EYS: variants seen among roughly 807,000 people sequenced by gnomAD.
EYS encodes the protein EGF-like photoreceptor maintenance factor, also known as protein eyes shut homolog.
In EYS, 250 loss-of-function variants were observed where a neutral mutation model predicts 282.1. That is an observed-to-expected ratio of 0.89 (90% CI 0.80 to 0.98). EYS has a LOEUF of 0.98. EYS is among the 50% of genes least tolerant of loss of function. The pLI is 0.00. For missense variants in EYS, 4,016 were observed against 3,709.0 expected (o/e 1.08, Z -2.15); for synonymous variants, 1,355 against 1,282.9 (o/e 1.06, Z -1.20).
chr6:65,020,266 T>C (rs1214365256), intron 13 of EYS, among the ~76,000 whole-genome samples: 2 of 152,188 alleles, frequency 1.3e-5, no homozygotes, highest in African/African-American at 4.8e-5. Flanking sequence ...CTTCTACCTA[T>C]GAGCCTGTAA....
At chr6:63,862,220 A>C (rs1175037479) in intron 36 of EYS, among the ~76,000 whole-genome samples, 4 of 152,056 alleles carry the variant, frequency 2.6e-5, no homozygotes, top group South Asian at 2.1e-4. Context: ...TTCTTCTCAG[A>C]AATTTTGTAT....
chr6:64,283,350 A>G (rs1170149801), intron 30 of EYS, among the ~76,000 whole-genome samples: 1 of 152,196 alleles, frequency 6.6e-6, no homozygotes, highest in Non-Finnish European at 1.5e-5. Context: ...TCTAGAAGTT[A>G]GACTATATAA....
At chr6:64,540,247 G>C (rs1764659701) in intron 26 of EYS, among the ~76,000 whole-genome samples, 1 of 152,004 alleles carries the variant, frequency 6.6e-6, no homozygotes. Context: ...TTTTTGGCTT[G>C]ACTCTGCTCA....
At chr6:64,294,954 GTC>G (rs1768860586) in intron 30 of EYS, among the ~76,000 whole-genome samples, 1 of 152,122 alleles carries the variant, frequency 6.6e-6, no homozygotes, top group African/African-American at 2.4e-5. Flanking sequence ...AGAAGCATGA[GTC>G]ATTTTTGATG....
At chr6:64,599,728 A>C (rs905659991) in intron 24 of EYS, among the ~76,000 whole-genome samples, 1 of 152,184 alleles carries the variant, frequency 6.6e-6, no homozygotes, top group Admixed American at 6.5e-5. Context: ...AGAGCTAGAA[A>C]ATGGCAGAGC....
intron 31 of EYS, among the ~76,000 whole-genome samples, chr6:64,138,270 A>G (rs1774229714): frequency 6.6e-6 from 1 of 152,194 alleles, no homozygotes; most frequent in Non-Finnish European, 1.5e-5. Context: ...ATGGGAACAT[A>G]AAACTCAAAA....
chr6:64,368,426 G>A (rs913462582), intron 29 of EYS, among the ~76,000 whole-genome samples: 6 of 152,082 alleles, frequency 3.9e-5, no homozygotes, highest in African/African-American at 1.2e-4. Context: ...CTTTAGGTTA[G>A]AATGATTTAT....
chr6:64,222,364 G>A (rs548491216), intron 31 of EYS, among the ~76,000 whole-genome samples: 2 of 152,020 alleles, frequency 1.3e-5, no homozygotes, highest in African/African-American at 4.8e-5. Flanking sequence ...ATTTCCCAGA[G>A]ACCACACGTT....
At chr6:64,550,106 T>C (rs1406365117) in intron 26 of EYS, among the ~76,000 whole-genome samples, 1 of 152,230 alleles carries the variant, frequency 6.6e-6, no homozygotes, top group East Asian at 1.9e-4. Context: ...ATGGTGTATA[T>C]GTGCCACATT....
At chr6:64,988,293 A>T (rs1001897443) in intron 14 of EYS, among the ~76,000 whole-genome samples, 1 of 151,572 alleles carries the variant, frequency 6.6e-6, no homozygotes, top group Non-Finnish European at 1.5e-5. Flanking sequence ...AGAGCATTTC[A>T]GCAGAAATGC....
At chr6:63,941,172 G>T (rs551979243) in intron 35 of EYS, among the ~76,000 whole-genome samples, 2 of 152,270 alleles carry the variant, frequency 1.3e-5, no homozygotes, top group South Asian at 4.1e-4. Flanking sequence ...ATAGCAGCGT[G>T]ATTTATAATC....
intron 2 of EYS, among the ~76,000 whole-genome samples, chr6:65,575,976 G>C (rs1764651022): frequency 6.6e-6 from 1 of 151,992 alleles, no homozygotes. Context: ...AAAAGTCCAA[G>C]ACTTGATGGT....
chr6:64,856,825 A>C (rs1258212743), intron 19 of EYS, among the ~76,000 whole-genome samples: 4 of 152,030 alleles, frequency 2.6e-5, no homozygotes, highest in African/African-American at 9.7e-5. Flanking sequence ...TGCTATATTT[A>C]AAAACTTCAT....
intron 22 of EYS, among the ~76,000 whole-genome samples, chr6:64,697,035 T>G (rs1434836213): frequency 1.3e-5 from 2 of 152,068 alleles, no homozygotes; most frequent in Non-Finnish European, 2.9e-5. Flanking sequence ...ATGCTTAACA[T>G]TACAACAGGA....
intron 14 of EYS, among the ~76,000 whole-genome samples, chr6:64,951,392 T>C (rs534365955): frequency 1.3e-5 from 2 of 152,060 alleles, no homozygotes; most frequent in Non-Finnish European, 2.9e-5. Flanking sequence ...CTATTCTGTC[T>C]GCCAGAAAAA....
chr6:65,310,058 T>C lies in EYS; in HGVS notation c.1767-13939A>G, dbSNP rs575084630. Among the ~76,000 whole-genome samples, 5 of 152,242 alleles carry C rather than the reference T, an allele frequency of 3.3e-5. No homozygotes were observed. In the East Asian group the frequency reaches 5.8e-4, roughly 18 times the overall value. On this transcript the variant is annotated intron_variant, in intron 11 of 42. Transcript: ENST00000503581. ...TCCCATTGCACTGGACTATACACAC[T>C]CTTGGCTGGGCGTGGTGGCTCATGC...
chr6:65,139,752 T>C (rs1357699937), intron 12 of EYS, among the ~76,000 whole-genome samples: 4 of 151,986 alleles, frequency 2.6e-5, no homozygotes, highest in East Asian at 3.9e-4. Context: ...CTTTCACTGC[T>C]AGTAGGAATG....
chr6:64,657,985 G>A (rs542873153), intron 22 of EYS, among the ~76,000 whole-genome samples: 1 of 152,242 alleles, frequency 6.6e-6, no homozygotes, highest in South Asian at 2.1e-4. Flanking sequence ...GTCAATTTCA[G>A]GTACACCAAT....
chr6:64,070,584 C>T (rs760090488), intron 32 of EYS, among the ~76,000 whole-genome samples: 7 of 151,992 alleles, frequency 4.6e-5, no homozygotes, highest in Non-Finnish European at 7.4e-5. Context: ...ACATTATCTG[C>T]TAGTCATTTT....
Sources: allele counts gnomAD v4.1 joint callset (sites outside exome capture counted in the v4.1 genomes callset), GRCh38; gene constraint gnomAD v4.1.1; transcripts MANE v1.5; gene names NCBI Gene and HGNC (gene_info 2026-07-23, HGNC 2026-07-21).